UTS2B: variants seen among roughly 807,000 people sequenced by gnomAD.
UTS2B encodes the protein urotensin-2B.
A neutral mutation model predicts 19.2 loss-of-function variants in UTS2B; 21 were observed. The observed-to-expected ratio is 1.09, with a 90% CI of 0.78 to 1.58. UTS2B has a LOEUF of 1.58. UTS2B is among the 40% of genes most tolerant of loss of function. The probability of loss-of-function intolerance (pLI) is 0.00; values close to 1 mark genes in which losing one functional copy is unlikely to be tolerated. For synonymous variants in UTS2B, 57 were observed against 50.2 expected (o/e 1.14, Z -0.58); for missense variants, 138 against 130.3 (o/e 1.06, Z -0.29).
intron 2 of UTS2B, among the ~76,000 whole-genome samples, chr3:191,319,825 G>A (rs1183937574): frequency 8.9e-5 from 13 of 146,586 alleles, no homozygotes; most frequent in Admixed American, 1.4e-4. Context: ...CCAAGATCGC[G>A]CCACTGCACA....
the UTS2B span, among the ~76,000 whole-genome samples, chr3:191,335,566 C>T: frequency 6.6e-6 from 1 of 151,956 alleles, no homozygotes; most frequent in Non-Finnish European, 1.5e-5. Flanking sequence ...TTTAAAAGGA[C>T]TGTTAAGCAG....
At chr3:191,279,695 G>A (rs1322665608) in intron 5 of UTS2B, among the ~76,000 whole-genome samples, 3 of 151,838 alleles carry the variant, frequency 2.0e-5, no homozygotes, top group Admixed American at 6.6e-5. Context: ...TTTTGCTTCC[G>A]ATAATTATAC....
chr3:191,290,726 C>T (rs1431328425), intron 4 of UTS2B, among the ~76,000 whole-genome samples: 1 of 152,152 alleles, frequency 6.6e-6, no homozygotes, highest in Non-Finnish European at 1.5e-5. Context: ...AATGGCATTT[C>T]CATTTTGTCA....
At chr3:191,330,789 A>G (rs899315204), upstream of UTS2B, among the ~76,000 whole-genome samples, 2 of 152,180 alleles carry the variant, frequency 1.3e-5, no homozygotes, top group African/African-American at 4.8e-5. Context: ...CAAAAATCTC[A>G]GGAAAATGAG....
At chr3:191,304,835 C>T (rs1217265384) in intron 3 of UTS2B, among the ~76,000 whole-genome samples, 3 of 152,158 alleles carry the variant, frequency 2.0e-5, no homozygotes, top group African/African-American at 7.2e-5. Flanking sequence ...ACCCTCCACC[C>T]TCCAACAGGC....
intron 3 of UTS2B, among the ~76,000 whole-genome samples, chr3:191,312,848 C>T (rs1467619366): frequency 6.6e-6 from 1 of 152,080 alleles, no homozygotes; most frequent in Non-Finnish European, 1.5e-5. Context: ...CTACAAAGTG[C>T]TAACACTTTA....
At position 191,290,979 on chromosome 3, in the gene UTS2B, T is replaced by G. The variant is rs551240597; in HGVS notation, c.-124-8666A>C. On this transcript the variant is annotated intron_variant, in intron 4 of 8. Coordinates refer to ENST00000340524, the MANE Select transcript of UTS2B (RefSeq NM_198152.5). ...TCTGACTATTAATTCTTGGTAGAATTCCTTACATGTAGTTAAATGAAAAAA... is the reference window on the plus strand; with the variant it reads ...TCTGACTATTAATTCTTGGTAGAATGCCTTACATGTAGTTAAATGAAAAAA... Among the ~76,000 whole-genome samples the G allele has an allele frequency of 4.7e-3, 716 of 152,292 alleles. 6 individuals are homozygous for G. Among genetic ancestry groups the G allele is most frequent in the Middle Eastern group, 0.031 (9 of 294 alleles).
Position 191,267,986 on chromosome 3 carries a change from A to G in UTS2B, c.*430T>C, listed in dbSNP as rs758227380. 6.6e-6 allele frequency: 1 copy of G among 152,582 alleles called. No homozygotes were observed. The highest frequency in any genetic ancestry group is 1.5e-5 in the Non-Finnish European group (1 of 68,314). The allele number at this position is 152,582 out of a possible 1,614,324, so 9.5% of individuals were successfully genotyped here. A position where few individuals can be genotyped will look rare whatever the true frequency, so the allele number is the denominator to read the frequency against. On this transcript the variant is annotated 3_prime_UTR_variant, in exon 9 of 9. Coordinates refer to ENST00000340524, the MANE Select transcript of UTS2B (RefSeq NM_198152.5). ...AGACCAGAAATTCTCAGAAGGAAAT[A>G]TGCCTTAACCCTAAAGAGGCCTAGA...
At chr3:191,325,816 G>C (rs1299343879) in intron 2 of UTS2B, among the ~76,000 whole-genome samples, 1 of 152,206 alleles carries the variant, frequency 6.6e-6, no homozygotes, top group Non-Finnish European at 1.5e-5. Context: ...ACTAAAAAGA[G>C]GGATTTCAGA....
intron 5 of UTS2B, among the ~76,000 whole-genome samples, chr3:191,280,051 T>G (rs1200512248): frequency 6.6e-6 from 1 of 152,092 alleles, no homozygotes; most frequent in Admixed American, 6.5e-5. Context: ...GAGAGAGTGT[T>G]TTTGCAAATA....
the UTS2B span, among the ~76,000 whole-genome samples, chr3:191,339,662 C>T: frequency 5.3e-5 from 8 of 152,182 alleles, no homozygotes; most frequent in East Asian, 1.3e-3. Flanking sequence ...AAAGTGTTGA[C>T]TTTCCCAGGC....
At chr3:191,321,624 T>C (rs903158973) in intron 2 of UTS2B, among the ~76,000 whole-genome samples, 10 of 152,192 alleles carry the variant, frequency 6.6e-5, no homozygotes, top group Non-Finnish European at 1.5e-4. Context: ...GGATAGGAAA[T>C]TGGGACTCCA....
At chr3:191,317,071 C>A (rs1347916185) in intron 2 of UTS2B, among the ~76,000 whole-genome samples, 1 of 152,238 alleles carries the variant, frequency 6.6e-6, no homozygotes, top group Non-Finnish European at 1.5e-5. Context: ...GGGGTGGTGC[C>A]CGTCAGGGAG....
intron 4 of UTS2B, among the ~76,000 whole-genome samples, chr3:191,288,331 G>T (rs1312165360): frequency 7.9e-5 from 12 of 152,106 alleles, no homozygotes; most frequent in African/African-American, 2.9e-4. Context: ...GCAATTTTGG[G>T]CAGAAAAACG....
chr3:191,271,484 A>G (rs930772063), intron 8 of UTS2B, among the ~76,000 whole-genome samples: 2 of 152,216 alleles, frequency 1.3e-5, no homozygotes, highest in African/African-American at 4.8e-5. Flanking sequence ...AGTGAGCTGT[A>G]GGACCTAGAC....
At chr3:191,336,966 A>G in the UTS2B span, among the ~76,000 whole-genome samples, 1 of 152,232 alleles carries the variant, frequency 6.6e-6, no homozygotes, top group Admixed American at 6.5e-5. Flanking sequence ...ATGATTCAAA[A>G]AAAATAATGT....
intron 1 of UTS2B, chr3:191,329,412 T>C (rs1717859875): frequency 2.5e-6 from 1 of 404,570 alleles, no homozygotes; most frequent in Non-Finnish European, 4.3e-6. Context: ...GCTCCGGATA[T>C]TTGGTATCGA....
At chr3:191,286,798 G>T (rs1278437465) in intron 4 of UTS2B, among the ~76,000 whole-genome samples, 11 of 150,954 alleles carry the variant, frequency 7.3e-5, no homozygotes, top group Non-Finnish European at 1.5e-4. Context: ...GAGACTAGAA[G>T]AACAATAGAA....
Position 191,278,179 on chromosome 3 carries a change from A to T in UTS2B, c.104-9T>A. ...TGGAAATATTTCATTTCCTATAATG[A>T]TCAAAAACCACCATTTTCAATTTGA... On this transcript the variant is annotated splice_polypyrimidine_tract_variant and intron_variant, in intron 5 of 8. Transcript: ENST00000340524. 7.1e-7 allele frequency: 1 copy of T among 1,415,462 alleles called. No individual in the cohort carries two copies. The highest frequency in any genetic ancestry group is 1.8e-4 in the Middle Eastern group (1 of 5,542). 87.7% of individuals were successfully genotyped at this position (1,415,462 alleles called of 1,614,324 possible).
Sources: gnomAD v4.1 joint callset for allele counts (sites outside exome capture counted in the v4.1 genomes callset) on GRCh38, gnomAD v4.1.1 for gene constraint, MANE v1.5 for transcripts, NCBI Gene and HGNC (gene_info 2026-07-23, HGNC 2026-07-21) for gene names.